ATP8B4: variants seen among roughly 807,000 people sequenced by gnomAD.
The protein encoded by ATP8B4 is ATPase phospholipid transporting 8B4 (putative).
Under a neutral mutation model 145.6 loss-of-function variants are expected in ATP8B4, and 133 were observed. That is an observed-to-expected ratio of 0.91 (90% CI 0.79 to 1.05). The LOEUF is 1.05. ATP8B4 is among the 50% of genes least tolerant of loss of function. ATP8B4 has a pLI of 0.00. For missense variants in ATP8B4, 1,458 were observed against 1,425.2 expected, an observed-to-expected ratio of 1.02 and a Z score of -0.37; for synonymous variants, 507 against 492.9, an observed-to-expected ratio of 1.03 and a Z score of -0.38.
intron 1 of ATP8B4, among the ~76,000 whole-genome samples, chr15:50,181,824 C>T (rs896998813): frequency 3.9e-5 from 6 of 152,246 alleles, no homozygotes; most frequent in Non-Finnish European, 8.8e-5. Flanking sequence ...ACCTGGTACC[C>T]GCTATTAATA....
chr15:49,975,907 C>T (rs4143619), intron 12 of ATP8B4, among the ~76,000 whole-genome samples: 111,823 of 152,072 alleles, frequency 0.74, 42,762 homozygotes, highest in East Asian at 1. Flanking sequence ...AAAATAGTTA[C>T]GGTAATAGCA....
At chr15:50,159,369 G>GT (rs2044481233) in intron 1 of ATP8B4, among the ~76,000 whole-genome samples, 2 of 152,068 alleles carry the variant, frequency 1.3e-5, no homozygotes, top group South Asian at 4.1e-4. Context: ...AACTGAATTT[G>GT]TTTATCAGTT....
intron 2 of ATP8B4, among the ~76,000 whole-genome samples, chr15:50,077,455 G>A (rs968037685): frequency 5.9e-5 from 9 of 152,130 alleles, no homozygotes; most frequent in Admixed American, 5.2e-4. Flanking sequence ...CATTTTGACT[G>A]GGAGAAAAAA....
intron 15 of ATP8B4, among the ~76,000 whole-genome samples, chr15:49,932,254 A>C (rs1231738445): frequency 1.3e-5 from 2 of 151,910 alleles, no homozygotes; most frequent in Non-Finnish European, 2.9e-5. Flanking sequence ...ATTCTTGAAT[A>C]TATGTATATA....
intron 14 of ATP8B4, among the ~76,000 whole-genome samples, chr15:49,954,695 G>C (rs944175514): frequency 1.3e-5 from 2 of 152,106 alleles, no homozygotes; most frequent in Non-Finnish European, 2.9e-5. Flanking sequence ...TGAGGCTGCG[G>C]AGAAAAGGGG....
chr15:49,882,966 A>G (rs1255241764), intron 23 of ATP8B4, among the ~76,000 whole-genome samples: 4 of 152,176 alleles, frequency 2.6e-5, no homozygotes, highest in African/African-American at 9.7e-5. Flanking sequence ...ACCTTCTTTT[A>G]TAGTTATAGC....
intron 1 of ATP8B4, among the ~76,000 whole-genome samples, chr15:50,153,561 T>C (rs945289100): frequency 2.0e-5 from 3 of 152,102 alleles, no homozygotes; most frequent in African/African-American, 7.2e-5. Flanking sequence ...ATAGTCTCGA[T>C]CTCCTGACCT....
chr15:50,018,601 T>TG (rs1346646859), intron 6 of ATP8B4, among the ~76,000 whole-genome samples: 1 of 152,218 alleles, frequency 6.6e-6, no homozygotes, highest in Non-Finnish European at 1.5e-5. Context: ...TTAGATTGTT[T>TG]GCCATATAGC....
At position 50,008,378 on chromosome 15, in the gene ATP8B4, G is replaced by A. The variant is rs552878637; in HGVS notation, c.435+2467C>T. Among the ~76,000 whole-genome samples the A allele has an allele frequency of 3.9e-5, 6 of 152,204 alleles. No individual in the cohort carries two copies. In the East Asian group the frequency reaches 5.8e-4, roughly 15 times the overall value. On this transcript the variant is annotated intron_variant, in intron 7 of 27. Transcript: ENST00000284509. ...TTATTTTGGTGCTGTCCCTCCAAAC[G>A]ATAACAAGAGGAAGAGTGGAAAATA...
intron 2 of ATP8B4, among the ~76,000 whole-genome samples, chr15:50,094,857 G>A (rs908201445): frequency 1.3e-5 from 2 of 151,608 alleles, no homozygotes; most frequent in Admixed American, 6.6e-5. Context: ...CCTTCACTGC[G>A]AGCTCAGTGA....
intron 16 of ATP8B4, among the ~76,000 whole-genome samples, chr15:49,927,823 T>C (rs1013424529): frequency 1.3e-5 from 2 of 152,100 alleles, no homozygotes; most frequent in East Asian, 1.9e-4. Context: ...TAGAACGGCA[T>C]GTGTGCTCAT....
rs374583207 is a variant in ATP8B4 at position 49,988,082 on chromosome 15, G to A, written c.590-533C>T. Among the ~76,000 whole-genome samples, 20 of 152,262 alleles carry A rather than the reference G, an allele frequency of 1.3e-4. No individual in the cohort carries two copies. In the East Asian group the frequency reaches 1.4e-3, roughly 10 times the overall value. ...GTTTGCCACATGAGTCTGAGAATGC[G>A]TGTGATTCCTTTCAGCTGTTCTATG... is the stretch of plus-strand genomic sequence containing the variant. On this transcript the variant is annotated intron_variant, in intron 9 of 27. Transcript: ENST00000284509.
At chr15:49,919,385 A>C (rs917026193) in intron 18 of ATP8B4, among the ~76,000 whole-genome samples, 1 of 152,124 alleles carries the variant, frequency 6.6e-6, no homozygotes, top group Admixed American at 6.5e-5. Context: ...CATAAACTAA[A>C]GTGAAAGATC....
intron 3 of ATP8B4, among the ~76,000 whole-genome samples, chr15:50,060,822 C>T (rs2052959473): frequency 6.6e-6 from 1 of 152,078 alleles, no homozygotes; most frequent in South Asian, 2.1e-4. Flanking sequence ...CTAACAAGCT[C>T]CAGGTGAGGC....
chr15:49,885,821 GTGTTCCTGCCCAAGC>G (rs2036118770), intron 23 of ATP8B4: 1 of 152,270 alleles, frequency 6.6e-6, no homozygotes, highest in South Asian at 2.1e-4. Flanking sequence ...CTGATGGCTT[GTGTTCCTGCCCAAGC>G]TATTCTTCAC....
chr15:50,143,839 A>G (rs1480817884), intron 1 of ATP8B4, among the ~76,000 whole-genome samples: 4 of 152,206 alleles, frequency 2.6e-5, no homozygotes, highest in African/African-American at 9.6e-5. Flanking sequence ...TGAACTAATC[A>G]TGAGTGAGGG....
chr15:50,049,965 A>T lies in ATP8B4; in HGVS notation c.88-2501T>A, dbSNP rs570295301. 9.2e-5 allele frequency among the ~76,000 whole-genome samples: 14 copies of T among 152,212 alleles called. No homozygotes were observed. The East Asian group carries it at 2.7e-3, about 29-fold the overall frequency. ...GGTCACATGTATGTCTTCTTTTGAG[A>T]AGTGTCTTCTTGCCACATAGCAAAT... On this transcript the variant is annotated intron_variant, in intron 3 of 27. Transcript: ENST00000284509.
At chr15:50,120,509 G>A (rs2057257337), upstream of ATP8B4, among the ~76,000 whole-genome samples, 1 of 152,122 alleles carries the variant, frequency 6.6e-6, no homozygotes, top group South Asian at 2.1e-4. Flanking sequence ...AAGGAAATCA[G>A]GGCCTTTTCC....
In ATP8B4 at chr15:50,103,051, T is replaced by C. The variant is rs1158592161; in HGVS notation, c.28+3888A>G. On this transcript the variant is annotated intron_variant, in intron 2 of 27. Coordinates refer to ENST00000284509, the MANE Select transcript of ATP8B4 (RefSeq NM_024837.4). ...TTTGACAAAATCCAGCATCCCTTTA[T>C]GATTAAAACCCTCAGCAAAATCAGC... is the stretch of plus-strand genomic sequence containing the variant. 2.6e-5 allele frequency among the ~76,000 whole-genome samples: 4 copies of C among 152,172 alleles called. No individual in the cohort carries two copies. In the East Asian group the frequency reaches 7.7e-4, roughly 29 times the overall value.
Sources: gnomAD v4.1 joint callset for allele counts (sites outside exome capture counted in the v4.1 genomes callset) on GRCh38, gnomAD v4.1.1 for gene constraint, MANE v1.5 for transcripts, NCBI Gene and HGNC (gene_info 2026-07-23, HGNC 2026-07-21) for gene names.